The following ATP10D variants were observed in gnomAD, a reference collection of about 807,000 sequenced individuals.
ATP10D encodes the protein phospholipid-transporting ATPase VD.
A neutral mutation model predicts 144.8 loss-of-function variants in ATP10D; 89 were observed. That is an observed-to-expected ratio of 0.61 (90% CI 0.52 to 0.73). The LOEUF (loss-of-function observed/expected upper bound fraction) is 0.73. Among genes scored for constraint, ATP10D ranks in the 30% least tolerant of loss-of-function variants. The pLI is 0.00. For missense variants in ATP10D, 1,603 were observed against 1,714.8 expected (o/e 0.93, Z 1.15); for synonymous variants, 571 against 615.1 (o/e 0.93, Z 1.06).
chr4:47,549,077 C>G (rs758241767), intron 10 of ATP10D, among the ~76,000 whole-genome samples: 4 of 152,140 alleles, frequency 2.6e-5, no homozygotes, highest in Non-Finnish European at 4.4e-5. Context: ...AGCCTTTGGG[C>G]ATTAGAATGT....
At chr4:47,546,566 A>T in intron 9 of ATP10D, 58 bp from the exon 10 acceptor site, 1 of 1,474,278 alleles carries the variant, frequency 6.8e-7, no homozygotes, top group South Asian at 1.1e-5. Context: ...TGCCTGATAT[A>T]TTCAACTTAC....
intron 18 of ATP10D, 95 bp downstream of exon 18, chr4:47,573,092 T>C: frequency 2.8e-6 from 4 of 1,436,244 alleles, no homozygotes; most frequent in Non-Finnish European, 3.8e-6. Context: ...CTAAGCTCAC[T>C]TTCCTTATTG....
chr4:47,559,481 C>T (rs1352505853), intron 13 of ATP10D, among the ~76,000 whole-genome samples: 2 of 152,072 alleles, frequency 1.3e-5, no homozygotes, highest in African/African-American at 4.8e-5. Context: ...TATGTAAATC[C>T]AGGTAAATAT....
At chr4:47,581,375 A>G (rs1233393157) in intron 20 of ATP10D, among the ~76,000 whole-genome samples, 2 of 152,244 alleles carry the variant, frequency 1.3e-5, no homozygotes, top group Admixed American at 1.3e-4. Flanking sequence ...GCACAGTATT[A>G]AGAATGAAAA....
In ATP10D at chr4:47,536,823, G is replaced by A; in HGVS notation, c.1281G>A (p.Glu427=). 6.2e-7 allele frequency: 1 copy of A among 1,613,218 alleles called. No homozygotes were observed. Among genetic ancestry groups the A allele is most frequent in the Non-Finnish European group, 8.5e-7 (1 of 1,179,660 alleles). Reference sequence around the variant, plus strand: ...AGTGCCGAGCCCTGAACATCGCCGAGGATCTGGGACAGATTCAGTACCTCT... The same window carrying A: ...AGTGCCGAGCCCTGAACATCGCCGAAGATCTGGGACAGATTCAGTACCTCT... ...IVQCRALNIA[E]DLGQIQYLFS... is the part of the protein sequence containing the mutation. Residue 427 remains glutamate, a synonymous_variant, in exon 9 of 23, where the codon GAG becomes GAA. Transcript: ENST00000273859.
Position 47,512,799 on chromosome 4 carries a change from G to A in ATP10D, c.259G>A (p.Val87Met), listed in dbSNP as rs1326424708. The A allele has an allele frequency of 6.2e-7, 1 of 1,601,046 alleles. No individual in the cohort carries two copies. Among genetic ancestry groups the A allele is most frequent in the Non-Finnish European group, 8.5e-7 (1 of 1,169,622 alleles). Reference sequence around the variant, plus strand: ...AACAAAGTACACACTTCTGAATTTTGTGCCAAGAAATTTATTTGAACAATT... The same window carrying A: ...AACAAAGTACACACTTCTGAATTTTATGCCAAGAAATTTATTTGAACAATT... ...RTTKYTLLNF[V>M]PRNLFEQFHR... Residue 87 changes from valine to methionine, a missense_variant, in exon 2 of 23, where the codon GTG (valine) becomes ATG (methionine). By Grantham distance (21) the Val-to-Met change is conservative. Transcript: ENST00000273859.
intron 14 of ATP10D, among the ~76,000 whole-genome samples, chr4:47,561,740 A>T (rs1358344810): frequency 6.6e-6 from 1 of 152,200 alleles, no homozygotes; most frequent in African/African-American, 2.4e-5. Context: ...CCTGCATCCT[A>T]TCCCCTGAGA....
chr4:47,519,271 C>T (rs1404556864), intron 3 of ATP10D, among the ~76,000 whole-genome samples: 2 of 152,152 alleles, frequency 1.3e-5, no homozygotes, highest in East Asian at 1.9e-4. Flanking sequence ...CACTGTTAAT[C>T]GTTCAGTGTG....
At position 47,558,285 on chromosome 4, in the gene ATP10D, C is replaced by T; in HGVS notation, c.2434+12C>T. On this transcript the variant is annotated intron_variant, in intron 12 of 22. Transcript: ENST00000273859. Reference sequence around the variant, plus strand: ...GGTGGCTTCCCCAGGTAAGTTTATACAAAAGTGAAATAGTAGTGATTTGAA... The same window carrying T: ...GGTGGCTTCCCCAGGTAAGTTTATATAAAAGTGAAATAGTAGTGATTTGAA... 1.0e-5 allele frequency: 16 copies of T among 1,607,442 alleles called. No homozygotes were observed. The highest frequency in any genetic ancestry group is 1.3e-5 in the Non-Finnish European group (15 of 1,175,586).
intron 10 of ATP10D, among the ~76,000 whole-genome samples, chr4:47,553,356 T>G (rs1013945152): frequency 6.6e-6 from 1 of 152,226 alleles, no homozygotes; most frequent in African/African-American, 2.4e-5. Flanking sequence ...CTGAACAAGA[T>G]TCAAATTTTG....
At chr4:47,590,132 T>A (rs1720963357) in intron 22 of ATP10D, among the ~76,000 whole-genome samples, 1 of 151,898 alleles carries the variant, frequency 6.6e-6, no homozygotes, top group South Asian at 2.1e-4. Context: ...GGCAGAAAAA[T>A]TAGCTAAATT....
intron 15 of ATP10D, among the ~76,000 whole-genome samples, chr4:47,568,494 A>G (rs2109459989): frequency 6.6e-6 from 1 of 152,330 alleles, no homozygotes; most frequent in South Asian, 2.1e-4. Flanking sequence ...AGGCTTAGAG[A>G]GGTTACATAG....
In ATP10D at chr4:47,535,911, C is replaced by T. The variant is rs1397067052; in HGVS notation, c.893C>T (p.Thr298Ile). ...VGIVVYAGHE[T>I]KAMLNNSGPR... ...TGCACATCCTTCATAGGCCATGAAA[C>T]CAAAGCAATGCTGAACAACAGTGGG... The change falls in exon 7 of 23, where the codon ACC (threonine) becomes ATC (isoleucine). Residue 298 changes from threonine (T) to isoleucine (I), a missense_variant. Thr to Ile is a moderately conservative substitution (Grantham distance 89). Transcript: ENST00000273859. 5.0e-6 allele frequency: 8 copies of T among 1,611,736 alleles called. No homozygotes were observed. Among genetic ancestry groups the T allele is most frequent in the African/African-American group, 1.3e-5 (1 of 74,890 alleles).
intron 1 of ATP10D, among the ~76,000 whole-genome samples, chr4:47,502,460 A>T (rs1049552786): frequency 6.9e-6 from 1 of 144,026 alleles, no homozygotes; most frequent in African/African-American, 2.6e-5. Context: ...TTAGAGTGAG[A>T]CTACGTCTCA....
At position 47,535,562 on chromosome 4, in the gene ATP10D, G is replaced by A; in HGVS notation, c.830G>A (p.Arg277Lys). 6.2e-7 allele frequency: 1 copy of A among 1,613,236 alleles called. No individual in the cohort carries two copies. Among genetic ancestry groups the A allele is most frequent in the Non-Finnish European group, 8.5e-7 (1 of 1,179,496 alleles). ...VGLSKENLLL[R>K]GCTIRNTEAV... ...CTCAGTAAAGAAAATTTGTTGCTTA[G>A]AGGATGCACCATTAGAAACACAGAG... Residue 277 changes from arginine (R) to lysine (K), a missense_variant, in exon 6 of 23, where the codon AGA becomes AAA. Arg to Lys is a conservative substitution (Grantham distance 26, BLOSUM62 2). Coordinates refer to ENST00000273859, the MANE Select transcript of ATP10D (RefSeq NM_020453.4).
chr4:47,528,772 A>G (rs1342318063), intron 5 of ATP10D, among the ~76,000 whole-genome samples: 1 of 152,132 alleles, frequency 6.6e-6, no homozygotes, highest in Non-Finnish European at 1.5e-5. Flanking sequence ...CATACACACC[A>G]ACAGTGTATA....
chr4:47,567,769 T>C (rs1719721019), intron 15 of ATP10D, among the ~76,000 whole-genome samples: 1 of 151,916 alleles, frequency 6.6e-6, no homozygotes, highest in Non-Finnish European at 1.5e-5. Flanking sequence ...TCCACAAGAG[T>C]GTTTATAGTT....
intron 21 of ATP10D, among the ~76,000 whole-genome samples, chr4:47,584,907 T>C (rs527844599): frequency 6.6e-6 from 1 of 152,310 alleles, no homozygotes; most frequent in East Asian, 1.9e-4. Flanking sequence ...GGAAATACTT[T>C]GCAAGATTAG....
intron 1 of ATP10D, among the ~76,000 whole-genome samples, chr4:47,508,820 C>T (rs116675813): frequency 7.6e-4 from 115 of 152,098 alleles, no homozygotes; most frequent in Admixed American, 2.8e-3. Context: ...ATGTGCTTGC[C>T]GACACTCTGA....
Sources: gnomAD v4.1 joint callset for allele counts (sites outside exome capture counted in the v4.1 genomes callset) on GRCh38, gnomAD v4.1.1 for gene constraint, MANE v1.5 for transcripts, NCBI Gene and HGNC (gene_info 2026-07-23, HGNC 2026-07-21) for gene names.